Variants in PPM1D observed in about 807,000 individuals in gnomAD.
The protein encoded by PPM1D is protein phosphatase, Mg2+/Mn2+ dependent 1D.
Under a neutral mutation model 58.3 loss-of-function variants are expected in PPM1D, and 52 were observed. The ratio of observed to expected loss-of-function variants is 0.89; its 90% CI spans 0.71 to 1.12. PPM1D has a LOEUF of 1.12. Ranked by LOEUF, PPM1D falls within the 50% of genes most tolerant of loss-of-function variation. The probability of loss-of-function intolerance (pLI) is 0.00; values close to 1 mark genes in which losing one functional copy is unlikely to be tolerated. For missense variants in PPM1D, 564 were observed against 777.2 expected (o/e 0.73, Z 3.26); for synonymous variants, 278 against 285.1 (o/e 0.98, Z 0.25).
chr17:60,642,478 G>C (rs1292405383), intron 3 of PPM1D, among the ~76,000 whole-genome samples: 1 of 146,556 alleles, frequency 6.8e-6, no homozygotes, highest in African/African-American at 2.5e-5. Context: ...CTTTTTTTTT[G>C]AGATGGTGTC....
At chr17:60,626,332 T>C (rs911410273) in intron 2 of PPM1D, among the ~76,000 whole-genome samples, 13 of 152,176 alleles carry the variant, frequency 8.5e-5, no homozygotes, top group Non-Finnish European at 1.9e-4. Context: ...ATAAAACTTT[T>C]TGATCATATC....
At chr17:60,655,922 C>T (rs778910684) in intron 4 of PPM1D, among the ~76,000 whole-genome samples, 1 of 146,658 alleles carries the variant, frequency 6.8e-6, no homozygotes, top group Non-Finnish European at 1.5e-5. Flanking sequence ...AGGATGGTCT[C>T]GATCTCCTGA....
chr17:60,652,500 G>C (rs949847495), intron 4 of PPM1D, among the ~76,000 whole-genome samples: 3 of 150,130 alleles, frequency 2.0e-5, no homozygotes, highest in African/African-American at 7.4e-5. Flanking sequence ...TCTTTCTGTT[G>C]GATATATGTA....
At chr17:60,641,409 C>T (rs2031131823) in intron 3 of PPM1D, among the ~76,000 whole-genome samples, 1 of 152,072 alleles carries the variant, frequency 6.6e-6, no homozygotes. Flanking sequence ...AGTGTTGATG[C>T]CTTTTGCCCA....
intron 2 of PPM1D, among the ~76,000 whole-genome samples, chr17:60,627,414 T>G (rs923493578): frequency 6.7e-6 from 1 of 150,222 alleles, no homozygotes; most frequent in Non-Finnish European, 1.5e-5. Flanking sequence ...GCCAGCTAAT[T>G]TTCTTTTTCT....
rs963194299 is a variant in PPM1D, at chr17:60,665,608, A to G, written c.*2056A>G. ...TGTGTCTTATGCCACAAGGATTAAA[A>G]TATGTATTCATTGCTACAAAACAAT... On this transcript the variant is annotated 3_prime_UTR_variant, in exon 6 of 6. Transcript: ENST00000305921. The G allele has an allele frequency of 2.0e-5, 3 of 152,248 alleles. No homozygotes were observed. Among genetic ancestry groups the G allele is most frequent in the Non-Finnish European group, 4.4e-5 (3 of 68,046 alleles). The allele number at this position is 152,248 out of a possible 1,614,324, so 9.4% of individuals were successfully genotyped here.
At chr17:60,651,083 G>A (rs1411919874) in intron 4 of PPM1D, among the ~76,000 whole-genome samples, 4 of 152,144 alleles carry the variant, frequency 2.6e-5, no homozygotes, top group Non-Finnish European at 4.4e-5. Context: ...CACAATATTA[G>A]GGGGACTCAA....
intron 1 of PPM1D, among the ~76,000 whole-genome samples, chr17:60,613,810 C>T (rs972979687): frequency 3.1e-4 from 47 of 152,148 alleles, no homozygotes; most frequent in African/African-American, 6.5e-4. Flanking sequence ...GGCCCACCGG[C>T]GCTGCGCTGG....
At chr17:60,627,664 C>T (rs2030837368) in intron 2 of PPM1D, among the ~76,000 whole-genome samples, 1 of 152,068 alleles carries the variant, frequency 6.6e-6, no homozygotes, top group African/African-American at 2.4e-5. Context: ...TTGTGATCCG[C>T]CCACCTCTGC....
intron 3 of PPM1D, among the ~76,000 whole-genome samples, chr17:60,643,662 C>T (rs1215193622): frequency 6.6e-6 from 1 of 152,062 alleles, no homozygotes; most frequent in Non-Finnish European, 1.5e-5. Context: ...GTAGATAGCA[C>T]TTTAACCAAA....
rs771923392 is a variant in PPM1D, at chr17:60,647,899, G to A, written c.834G>A (p.Leu278=). ...TCTGCTCCCTTCCCCCAGGTGATTTGTGGAGCTATGATTTCTTCAGTGGTG... is the reference window on the plus strand; with the variant it reads ...TCTGCTCCCTTCCCCCAGGTGATTTATGGAGCTATGATTTCTTCAGTGGTG... The part of the protein sequence containing the change: ...FLAVARALGD[L]WSYDFFSGEF... Residue 278 remains leucine, a synonymous_variant, in exon 4 of 6, where the codon TTG becomes TTA. Coordinates refer to ENST00000305921, the MANE Select transcript of PPM1D (RefSeq NM_003620.4). 18 of 1,611,134 alleles carry A rather than the reference G, an allele frequency of 1.1e-5. No individual in the cohort carries two copies. Among genetic ancestry groups the A allele is most frequent in the Admixed American group, 1.7e-5 (1 of 59,830 alleles).
At chr17:60,616,607 C>G (rs976788493) in intron 1 of PPM1D, among the ~76,000 whole-genome samples, 2 of 150,186 alleles carry the variant, frequency 1.3e-5, no homozygotes, top group African/African-American at 4.9e-5. Context: ...GAGACTGTCT[C>G]AAAAAAAGAA....
At chr17:60,651,383 C>G (rs2090243386) in intron 4 of PPM1D, among the ~76,000 whole-genome samples, 1 of 149,078 alleles carries the variant, frequency 6.7e-6, no homozygotes, top group Non-Finnish European at 1.5e-5. Flanking sequence ...TATCACAGTT[C>G]AATTAACAGT....
rs996571214 is a variant in PPM1D, at chr17:60,663,333, C to G, written c.1599C>G (p.Asn533Lys). 6.2e-7 allele frequency: 1 copy of G among 1,614,166 alleles called. No homozygotes were observed. Among genetic ancestry groups the G allele is most frequent in the Non-Finnish European group, 8.5e-7 (1 of 1,180,012 alleles). ...AAATTGAAAGAACCCCTCCAACAAACTTTAAAAGGACATTAGAAGAGTCCA... is the reference window on the plus strand; with the variant it reads ...AAATTGAAAGAACCCCTCCAACAAAGTTTAAAAGGACATTAGAAGAGTCCA... ...AQEIERTPPTNFKRTLEESNS... is the reference protein window; with the variant it reads ...AQEIERTPPTKFKRTLEESNS... Residue 533 changes from asparagine to lysine, a missense_variant, in exon 6 of 6, where the codon AAC (asparagine) becomes AAG (lysine). Asn to Lys is a moderately conservative substitution (Grantham distance 94, BLOSUM62 0). Coordinates refer to ENST00000305921, the MANE Select transcript of PPM1D (RefSeq NM_003620.4).
At chr17:60,608,632 T>C (rs755561542) in intron 1 of PPM1D, among the ~76,000 whole-genome samples, 12 of 152,148 alleles carry the variant, frequency 7.9e-5, no homozygotes, top group Non-Finnish European at 1.6e-4. Context: ...ATTACCAGTA[T>C]AGTTAAGCCC....
chr17:60,656,460 A>G, intron 4 of PPM1D, 139 bp from the exon 5 acceptor site: 1 of 1,191,360 alleles, frequency 8.4e-7, no homozygotes, highest in Non-Finnish European at 1.1e-6. Flanking sequence ...CTCAAAAAAA[A>G]AAAAAGAGAA....
At chr17:60,631,171 G>C in intron 2 of PPM1D, among the ~76,000 whole-genome samples, 1 of 151,628 alleles carries the variant, frequency 6.6e-6, no homozygotes, top group Admixed American at 6.6e-5. Context: ...AGTGAGATCT[G>C]TTCTCTACAA....
chr17:60,623,931 T>C (rs764422676), intron 2 of PPM1D, among the ~76,000 whole-genome samples, 182 bp downstream of exon 2: 16 of 152,324 alleles, frequency 1.1e-4, no homozygotes, highest in Middle Eastern at 6.8e-3. Context: ...TTACTATGAA[T>C]TGACTTTTAT....
intron 1 of PPM1D, among the ~76,000 whole-genome samples, chr17:60,606,451 A>C (rs2030331382): frequency 2.6e-5 from 4 of 152,198 alleles, no homozygotes; most frequent in Non-Finnish European, 5.9e-5. Context: ...TTCTATGTTT[A>C]ACATTTTAAG....
Sources: gnomAD v4.1 joint callset for allele counts (sites outside exome capture counted in the v4.1 genomes callset) on GRCh38, gnomAD v4.1.1 for gene constraint, MANE v1.5 for transcripts, NCBI Gene and HGNC (gene_info 2026-07-23, HGNC 2026-07-21) for gene names.